The following SPOCK3 variants were observed in gnomAD, a reference collection of about 807,000 sequenced individuals.
SPOCK3 encodes the protein testican-3.
In SPOCK3, 30 loss-of-function variants were observed where a neutral mutation model predicts 56.6. The observed-to-expected ratio is 0.53, with a 90% CI of 0.40 to 0.72. The LOEUF is 0.72. Ranked by LOEUF, SPOCK3 falls within the 30% of genes least tolerant of loss-of-function variation. The pLI is 0.00. For missense variants in SPOCK3, 527 were observed against 530.0 expected (o/e 0.99, Z 0.06); for synonymous variants, 196 against 183.3 (o/e 1.07, Z -0.56).
At chr4:166,743,126 A>G in intron 8 of SPOCK3, among the ~76,000 whole-genome samples, 1 of 152,072 alleles carries the variant, frequency 6.6e-6, no homozygotes. Flanking sequence ...TATGTAATAT[A>G]TACAGTCTTA....
intron 4 of SPOCK3, among the ~76,000 whole-genome samples, chr4:166,986,882 G>A (rs1304231173): frequency 6.6e-6 from 1 of 151,922 alleles, no homozygotes; most frequent in Non-Finnish European, 1.5e-5. Context: ...CAAGTGTTTG[G>A]TTTGACTGTC....
At chr4:167,109,902 C>T (rs1012870262) in intron 2 of SPOCK3, among the ~76,000 whole-genome samples, 18 of 151,862 alleles carry the variant, frequency 1.2e-4, no homozygotes, top group African/African-American at 2.7e-4. Flanking sequence ...TACCACCCCA[C>T]GCCCATGTCC....
At chr4:166,769,730 T>C (rs574806096) in intron 7 of SPOCK3, among the ~76,000 whole-genome samples, 1 of 152,294 alleles carries the variant, frequency 6.6e-6, no homozygotes, top group East Asian at 1.9e-4. Flanking sequence ...GACAGGGACA[T>C]TTAAGTCTGC....
At chr4:167,112,872 G>T (rs942158503) in intron 2 of SPOCK3, among the ~76,000 whole-genome samples, 3 of 151,712 alleles carry the variant, frequency 2.0e-5, no homozygotes, top group Non-Finnish European at 4.4e-5. Flanking sequence ...ATATATATTA[G>T]ATGTGTTAAG....
rs528399683 is a variant in SPOCK3 at position 167,148,360 on chromosome 4, A to G, written c.189+85625T>C. Among the ~76,000 whole-genome samples, 10 of 152,200 alleles carry G rather than the reference A, an allele frequency of 6.6e-5. No individual in the cohort carries two copies. The East Asian group carries it at 1.9e-3, about 29-fold the overall frequency. ...TGAGACTGAAAAACCCTTCTATAAA[A>G]TAACTTTCTATTATCATCTGGTCAG... On this transcript the variant is annotated intron_variant, in intron 2 of 10. Transcript: ENST00000357545.
At chr4:167,209,058 T>C (rs746874899) in intron 2 of SPOCK3, among the ~76,000 whole-genome samples, 3 of 152,174 alleles carry the variant, frequency 2.0e-5, no homozygotes, top group Non-Finnish European at 4.4e-5. Flanking sequence ...TTGTCTTGTT[T>C]GCTGTACAAC....
At chr4:166,909,144 T>A (rs183348912) in intron 5 of SPOCK3, among the ~76,000 whole-genome samples, 368 of 152,202 alleles carry the variant, frequency 2.4e-3, no homozygotes, top group Non-Finnish European at 4.2e-3. Flanking sequence ...AGCCTATTTA[T>A]CCATAGTTCC....
intron 7 of SPOCK3, among the ~76,000 whole-genome samples, chr4:166,781,117 T>G (rs947552323): frequency 2.6e-4 from 39 of 152,094 alleles, no homozygotes; most frequent in African/African-American, 9.2e-4. Flanking sequence ...TACATCCATC[T>G]CTACTGTTCT....
chr4:167,205,138 C>T (rs1733913736), intron 2 of SPOCK3, among the ~76,000 whole-genome samples: 1 of 108,528 alleles, frequency 9.2e-6, no homozygotes, highest in African/African-American at 3.6e-5. Flanking sequence ...AAAAAAAATA[C>T]ATATATATAT....
chr4:166,742,131 A>C, intron 8 of SPOCK3, 72 bp from the exon 9 acceptor site: 1 of 1,117,588 alleles, frequency 8.9e-7, no homozygotes, highest in Non-Finnish European at 1.4e-6. Context: ...TATGTTATCA[A>C]ACTTCACTTA....
intron 8 of SPOCK3, among the ~76,000 whole-genome samples, chr4:166,746,566 T>C (rs1241786526): frequency 1.3e-5 from 2 of 151,784 alleles, no homozygotes; most frequent in African/African-American, 4.8e-5. Flanking sequence ...AACATCACAA[T>C]TAAAAGAACT....
chr4:166,769,352 C>T (rs1738602473), intron 7 of SPOCK3, among the ~76,000 whole-genome samples: 1 of 133,982 alleles, frequency 7.5e-6, no homozygotes, highest in Non-Finnish European at 1.7e-5. Context: ...TGGTGACGTA[C>T]AGATGGGGTT....
intron 6 of SPOCK3, among the ~76,000 whole-genome samples, chr4:166,845,124 A>G (rs1235731038): frequency 6.6e-6 from 1 of 152,254 alleles, no homozygotes; most frequent in Non-Finnish European, 1.5e-5. Flanking sequence ...TGTAACCCAC[A>G]TTATTCAGTA....
At chr4:167,183,093 TG>T (rs1464052801) in intron 2 of SPOCK3, among the ~76,000 whole-genome samples, 1 of 152,094 alleles carries the variant, frequency 6.6e-6, no homozygotes, top group East Asian at 1.9e-4. Flanking sequence ...CAGGCCCTCC[TG>T]GTCCTAAGAC....
At chr4:167,056,002 A>G (rs1162428222) in intron 3 of SPOCK3, among the ~76,000 whole-genome samples, 1 of 152,168 alleles carries the variant, frequency 6.6e-6, no homozygotes, top group Admixed American at 6.5e-5. Context: ...CTGCCTCCTG[A>G]AGTGGGTCCC....
chr4:167,181,628 T>C (rs1047506844), intron 2 of SPOCK3, among the ~76,000 whole-genome samples: 3 of 152,176 alleles, frequency 2.0e-5, no homozygotes, highest in Non-Finnish European at 4.4e-5. Flanking sequence ...AAAGACTTCC[T>C]TGGTGTAACT....
intron 3 of SPOCK3, among the ~76,000 whole-genome samples, chr4:167,056,105 A>G (rs1011283756): frequency 1.3e-5 from 2 of 152,098 alleles, no homozygotes; most frequent in Non-Finnish European, 1.5e-5. Flanking sequence ...CTGAGACAAA[A>G]CTTCCAGAGG....
intron 4 of SPOCK3, among the ~76,000 whole-genome samples, chr4:166,981,445 T>C (rs1746558655): frequency 6.6e-6 from 1 of 152,056 alleles, no homozygotes; most frequent in African/African-American, 2.4e-5. Flanking sequence ...GTAGCTCCTT[T>C]CTGCAGGCAT....
intron 5 of SPOCK3, among the ~76,000 whole-genome samples, chr4:166,906,143 C>G (rs1736582386): frequency 6.6e-6 from 1 of 152,000 alleles, no homozygotes; most frequent in Admixed American, 6.6e-5. Context: ...GACTTTGCAT[C>G]TGAATTCAAA....
Sources: gnomAD v4.1 joint callset for allele counts (sites outside exome capture counted in the v4.1 genomes callset) on GRCh38, gnomAD v4.1.1 for gene constraint, MANE v1.5 for transcripts, NCBI Gene and HGNC (gene_info 2026-07-23, HGNC 2026-07-21) for gene names.